The following GJC1 variants were observed in gnomAD, a reference collection of about 807,000 sequenced individuals.
GJC1 encodes the protein gap junction gamma-1 protein.
Under a neutral mutation model 29.3 loss-of-function variants are expected in GJC1, and 5 were observed. The observed-to-expected ratio is 0.17, with a 90% CI of 0.09 to 0.36. GJC1 has a LOEUF of 0.36. Among genes scored for constraint, GJC1 ranks in the 10% least tolerant of loss-of-function variants. GJC1 has a pLI of 1.00. For missense variants in GJC1, 310 were observed against 496.2 expected, an observed-to-expected ratio of 0.62 and a Z score of 3.56; for synonymous variants, 177 against 183.3, an observed-to-expected ratio of 0.97 and a Z score of 0.28.
Position 44,830,246 on chromosome 17 carries a change from G to GCCGCCGCCTCCCGCTC in GJC1, c.-297_-282dup, listed in dbSNP as rs1555561227. 22 of 160,308 alleles carry GCCGCCGCCTCCCGCTC rather than the reference G, an allele frequency of 1.4e-4. No individual in the cohort carries two copies. Among genetic ancestry groups the GCCGCCGCCTCCCGCTC allele is most frequent in the Non-Finnish European group, 2.4e-4 (18 of 75,606 alleles). 9.9% of individuals were successfully genotyped at this position (160,308 alleles called of 1,614,324 possible). A position where few individuals can be genotyped will look rare whatever the true frequency, so the allele number is the denominator to read the frequency against. On this transcript the variant is annotated 5_prime_UTR_variant, in exon 1 of 3. Transcript: ENST00000592524. This position sits in a 1 kb window ranked among gnomAD's most constrained non-coding sequence, Gnocchi z 4.3. Reference sequence around the variant, plus strand: ...AGCCGCTCCCGCCGCTGCCGCCGCCGCCGCCGCCTCCCGCTCCCGCCGCCG... The same window carrying GCCGCCGCCTCCCGCTC: ...AGCCGCTCCCGCCGCTGCCGCCGCCGCCGCCGCCTCCCGCTCCCGCCGCCTCCCGCTCCCGCCGCCG...
At chr17:44,826,524 C>T (rs1325031905) in intron 1 of GJC1, among the ~76,000 whole-genome samples, 3 of 148,110 alleles carry the variant, frequency 2.0e-5, no homozygotes, top group Admixed American at 6.8e-5. Context: ...AGCGAGACTC[C>T]GTCTAAAAAA....
downstream of GJC1, among the ~76,000 whole-genome samples, chr17:44,795,320 C>T (rs2049776785): frequency 6.6e-6 from 1 of 152,148 alleles, no homozygotes; most frequent in African/African-American, 2.4e-5. Flanking sequence ...CTCTGCCCTC[C>T]TGCCCCAGAT....
intron 2 of GJC1, among the ~76,000 whole-genome samples, chr17:44,806,450 A>G (rs1567707899): frequency 7.1e-6 from 1 of 141,550 alleles, no homozygotes; most frequent in Non-Finnish European, 1.5e-5. Flanking sequence ...CTCAGGCTGC[A>G]GTGCAGTGGC....
intron 1 of GJC1, among the ~76,000 whole-genome samples, chr17:44,817,036 C>T (rs997207472): frequency 5.4e-5 from 8 of 147,396 alleles, no homozygotes; most frequent in Admixed American, 1.3e-4. Flanking sequence ...GATGGAGAAA[C>T]CTGCCTCTAC....
At chr17:44,819,152 T>C (rs1368790228) in intron 1 of GJC1, among the ~76,000 whole-genome samples, 1 of 152,140 alleles carries the variant, frequency 6.6e-6, no homozygotes, top group Non-Finnish European at 1.5e-5. Context: ...AGAATTTTTT[T>C]CATCTTGTAA....
chr17:44,827,684 G>A (rs993764305), intron 1 of GJC1, among the ~76,000 whole-genome samples: 2 of 151,694 alleles, frequency 1.3e-5, no homozygotes, highest in African/African-American at 2.4e-5. Flanking sequence ...TGTAATCCCA[G>A]CACTCTGGGA....
At chr17:44,820,002 C>A (rs559823781) in intron 1 of GJC1, among the ~76,000 whole-genome samples, 1 of 152,108 alleles carries the variant, frequency 6.6e-6, no homozygotes, top group Non-Finnish European at 1.5e-5. Context: ...GGATTACAGG[C>A]GTGTGCCACC....
At chr17:44,829,387 C>G (rs959816893) in intron 1 of GJC1, 3 of 152,174 alleles carry the variant, frequency 2.0e-5, no homozygotes, top group Non-Finnish European at 4.4e-5. Flanking sequence ...CACACACACA[C>G]AAAACAGTTC....
At position 44,824,232 on chromosome 17, in the gene GJC1, T is replaced by C. The variant is rs564218203; in HGVS notation, c.-97+5830A>G. Among the ~76,000 whole-genome samples the C allele has an allele frequency of 2.0e-4, 31 of 152,216 alleles. No individual in the cohort carries two copies. The East Asian group carries it at 3.9e-3, about 19-fold the overall frequency. ...CATGTTGGCCAGGATGGTCTCGAACTCCTGACCTTGTGACCTGCCTGCCTC... is the reference window on the plus strand; with the variant it reads ...CATGTTGGCCAGGATGGTCTCGAACCCCTGACCTTGTGACCTGCCTGCCTC... On this transcript the variant is annotated intron_variant, in intron 1 of 2. Transcript: ENST00000592524.
intron 2 of GJC1, 138 bp downstream of exon 2, chr17:44,807,256 G>A (rs1329278776): frequency 2.0e-5 from 3 of 152,144 alleles, no homozygotes; most frequent in Non-Finnish European, 4.4e-5. Flanking sequence ...ACCTAAATGA[G>A]GTAATATATG....
At chr17:44,808,055 T>G (rs1290873666) in intron 1 of GJC1, among the ~76,000 whole-genome samples, 1 of 152,160 alleles carries the variant, frequency 6.6e-6, no homozygotes, top group African/African-American at 2.4e-5. Context: ...CAGAAAAGTT[T>G]CCAAGATGAA....
chr17:44,811,557 T>C (rs1290101341), intron 1 of GJC1, among the ~76,000 whole-genome samples: 1 of 151,964 alleles, frequency 6.6e-6, no homozygotes, highest in African/African-American at 2.4e-5. Context: ...TGGCTAATTT[T>C]TGTATTTTTT....
intron 1 of GJC1, among the ~76,000 whole-genome samples, chr17:44,809,330 T>C (rs888190395): frequency 3.9e-5 from 6 of 152,168 alleles, no homozygotes; most frequent in East Asian, 1.9e-4. Context: ...TCTTTTCTCA[T>C]TGAATATACA....
chr17:44,828,100 C>T (rs1383959788), intron 1 of GJC1, among the ~76,000 whole-genome samples: 2 of 152,110 alleles, frequency 1.3e-5, no homozygotes, highest in African/African-American at 4.8e-5. Context: ...GGGAAGTGGA[C>T]TAATCAGAAA....
In GJC1 at chr17:44,804,387, A is replaced by G; in HGVS notation, c.*240T>C. The G allele has an allele frequency of 4.2e-6, 2 of 476,428 alleles. No homozygotes were observed. The highest frequency in any genetic ancestry group is 7.4e-6 in the Non-Finnish European group (2 of 271,024). 29.5% of individuals were successfully genotyped at this position (476,428 alleles called of 1,614,324 possible). A position where few individuals can be genotyped will look rare whatever the true frequency, so the allele number is the denominator to read the frequency against. ...TATGTCTGTTCTTCTCCAGATCTGGAAGACACAAATGTAAAGTTCTGCAAC... is the reference window on the plus strand; with the variant it reads ...TATGTCTGTTCTTCTCCAGATCTGGGAGACACAAATGTAAAGTTCTGCAAC... On this transcript the variant is annotated 3_prime_UTR_variant, in exon 3 of 3. Coordinates refer to ENST00000592524, the MANE Select transcript of GJC1 (RefSeq NM_005497.4).
intron 1 of GJC1, chr17:44,807,834 C>T (rs777395472): frequency 1.3e-5 from 2 of 152,200 alleles, no homozygotes; most frequent in African/African-American, 2.4e-5. Context: ...AAAACCTTCA[C>T]CCCATCTGCT....
In GJC1 at chr17:44,804,477, C is replaced by A. The variant is rs2049888342; in HGVS notation, c.*150G>T. ...TTCCCTTTCTCTCCCTCAGCCCAGC[C>A]CCGCCTCCAGAGTCCCCTGAGCTTG... On this transcript the variant is annotated 3_prime_UTR_variant, in exon 3 of 3. Transcript: ENST00000592524. The A allele has an allele frequency of 3.1e-6, 2 of 636,748 alleles. No homozygotes were observed. The highest frequency in any genetic ancestry group is 3.7e-5 in the African/African-American group (2 of 54,600). 39.4% of individuals were successfully genotyped at this position (636,748 alleles called of 1,614,324 possible). A position where few individuals can be genotyped will look rare whatever the true frequency, so the allele number is the denominator to read the frequency against.
rs1162072267 is a variant in GJC1 at position 44,803,414 on chromosome 17, A to T, written c.*1213T>A. ...AATGCTTGTCAGTGACAAACACATT[A>T]TGCCTACAAAGAATAAATACTGCAC... On this transcript the variant is annotated 3_prime_UTR_variant, in exon 3 of 3. Transcript: ENST00000592524. The T allele has an allele frequency of 2.6e-5, 4 of 152,250 alleles. No individual in the cohort carries two copies. The highest frequency in any genetic ancestry group is 9.6e-5 in the African/African-American group (4 of 41,460). 9.4% of individuals were successfully genotyped at this position (152,250 alleles called of 1,614,324 possible).
At position 44,817,355 on chromosome 17, in the gene GJC1, G is replaced by A. The variant is rs557797071; in HGVS notation, c.-96-9886C>T. 7.9e-5 allele frequency among the ~76,000 whole-genome samples: 12 copies of A among 151,206 alleles called. No individual in the cohort carries two copies. The East Asian group carries it at 2.0e-3, about 25-fold the overall frequency. ...CTCGCTAGTAAAGAATTACATTACA[G>A]ATGGAATTATGTACAGGTTCTATGT... On this transcript the variant is annotated intron_variant, in intron 1 of 2. Coordinates refer to ENST00000592524, the MANE Select transcript of GJC1 (RefSeq NM_005497.4).
Sources: gnomAD v4.1 joint callset for allele counts (sites outside exome capture counted in the v4.1 genomes callset) on GRCh38, gnomAD v4.1.1 for gene constraint, Gnocchi (gnomAD v3.1) non-coding constraint, MANE v1.5 for transcripts, NCBI Gene and HGNC (gene_info 2026-07-23, HGNC 2026-07-21) for gene names.